The following FHDC1 variants were observed in gnomAD, a reference collection of about 807,000 sequenced individuals.
FHDC1 encodes the protein FH2 domain-containing protein 1.
Under a neutral mutation model 52.6 loss-of-function variants are expected in FHDC1, and 25 were observed. The observed-to-expected ratio is 0.48, with a 90% CI of 0.35 to 0.66. FHDC1 has a LOEUF of 0.66. Among genes scored for constraint, FHDC1 ranks in the 30% least tolerant of loss-of-function variants. The pLI, the probability that FHDC1 is intolerant of heterozygous loss-of-function variation, is 0.01. For synonymous variants in FHDC1, 616 were observed against 581.5 expected, an observed-to-expected ratio of 1.06 and a Z score of -0.85; for missense variants, 1,459 against 1,452.8, an observed-to-expected ratio of 1.00 and a Z score of -0.07.
At chr4:152,968,550 A>C (rs1038070697) in intron 10 of FHDC1, among the ~76,000 whole-genome samples, 2 of 152,190 alleles carry the variant, frequency 1.3e-5, no homozygotes, top group African/African-American at 4.8e-5. Flanking sequence ...GCTGCTCTCA[A>C]ACTCCCGACC....
At chr4:152,925,585 C>A in the FHDC1 span, among the ~76,000 whole-genome samples, 1 of 152,034 alleles carries the variant, frequency 6.6e-6, no homozygotes, top group Non-Finnish European at 1.5e-5. Flanking sequence ...TATAAGAAGA[C>A]CAATTTTATT....
chr4:152,967,443 C>T (rs1740499273), intron 9 of FHDC1, among the ~76,000 whole-genome samples: 1 of 151,948 alleles, frequency 6.6e-6, no homozygotes, highest in Non-Finnish European at 1.5e-5. Flanking sequence ...AAAAAAGTTG[C>T]ACATTTGTTA....
chr4:152,945,076 G>A (rs759414253), intron 2 of FHDC1, among the ~76,000 whole-genome samples: 2 of 152,194 alleles, frequency 1.3e-5, no homozygotes, highest in African/African-American at 2.4e-5. Flanking sequence ...ACCGTGTCCC[G>A]GGGAGGCAGC....
At chr4:152,935,013 C>T (rs928963283), upstream of FHDC1, among the ~76,000 whole-genome samples, 3 of 152,158 alleles carry the variant, frequency 2.0e-5, no homozygotes, top group African/African-American at 7.2e-5. Flanking sequence ...CATATTAGCT[C>T]CCTGAGCATG....
At chr4:152,923,166 A>G in the FHDC1 span, among the ~76,000 whole-genome samples, 1 of 152,136 alleles carries the variant, frequency 6.6e-6, no homozygotes, top group Non-Finnish European at 1.5e-5. Flanking sequence ...AAAGTCTCAG[A>G]ATACAAAATC....
At chr4:152,961,230 C>T (rs969818899) in intron 6 of FHDC1, among the ~76,000 whole-genome samples, 4 of 34,578 alleles carry the variant, frequency 1.2e-4, no homozygotes, top group Non-Finnish European at 2.6e-4. Flanking sequence ...TGCCTCTCTC[C>T]TCCCTGTCGT....
At chr4:152,935,706 C>T (rs563763504), upstream of FHDC1, among the ~76,000 whole-genome samples, 68 of 152,286 alleles carry the variant, frequency 4.5e-4, no homozygotes, top group Middle Eastern at 6.8e-3. Flanking sequence ...GAAGCTCTAG[C>T]GCAGCCAGGT....
chr4:152,925,715 T>A, the FHDC1 span, among the ~76,000 whole-genome samples: 2 of 144,536 alleles, frequency 1.4e-5, no homozygotes, highest in African/African-American at 2.5e-5. Context: ...GCATCCTCCT[T>A]TTTTTTTTTT....
chr4:152,976,665 G>T lies in FHDC1; in HGVS notation c.3374G>T (p.Arg1125Leu), dbSNP rs185889152. ...GGGGCTGGGGAAAGGGCCTCCCTCC[G>T]TCGGAAGGACTCCAGTCGGACCACG... is the stretch of plus-strand genomic sequence containing the variant. The part of the protein sequence containing the change: ...ARGAGERASL[R>L]RKDSSRTTLG... Residue 1125 changes from arginine (R) to leucine (L), a missense_variant, in exon 12 of 12, where the codon CGT (arginine) becomes CTT (leucine). Arg to Leu is a moderately radical substitution (Grantham distance 102). This residue lies in a region of FHDC1 where 939 missense variants were observed against 854.5 expected (regional missense o/e 1.10). Coordinates refer to ENST00000511601, the MANE Select transcript of FHDC1 (RefSeq NM_001371116.1). 73 of 1,568,600 alleles carry T rather than the reference G, an allele frequency of 4.7e-5. No individual in the cohort carries two copies. Among genetic ancestry groups the T allele is most frequent in the Non-Finnish European group, 5.4e-5 (62 of 1,158,200 alleles).
At chr4:152,925,713 CTTT>C in the FHDC1 span, among the ~76,000 whole-genome samples, 4 of 143,124 alleles carry the variant, frequency 2.8e-5, no homozygotes, top group Admixed American at 1.4e-4. Context: ...GTGCATCCTC[CTTT>C]TTTTTTTTTT....
chr4:152,928,156 C>A, the FHDC1 span: 1 of 828,836 alleles, frequency 1.2e-6, no homozygotes, highest in Non-Finnish European at 2.2e-6. Flanking sequence ...TCAATGCCAC[C>A]GGAAAGATTG....
At chr4:152,937,525 G>A (rs1404527434) in intron 1 of FHDC1, among the ~76,000 whole-genome samples, 2 of 152,036 alleles carry the variant, frequency 1.3e-5, no homozygotes, top group South Asian at 2.1e-4. Flanking sequence ...GCCGGGAATG[G>A]GCGAGCGGGT....
chr4:152,918,938 C>G, the FHDC1 span, among the ~76,000 whole-genome samples: 130 of 152,386 alleles, frequency 8.5e-4, no homozygotes, highest in East Asian at 4.8e-3. Flanking sequence ...CCACCTGATT[C>G]CACTAACACC....
chr4:152,917,941 A>C, the FHDC1 span, among the ~76,000 whole-genome samples: 2 of 152,264 alleles, frequency 1.3e-5, no homozygotes, highest in Admixed American at 6.5e-5. Context: ...AATTCGTTAG[A>C]AATAGCAAAT....
intron 1 of FHDC1, among the ~76,000 whole-genome samples, chr4:152,937,584 C>T (rs1739428438): frequency 6.6e-6 from 1 of 151,720 alleles, no homozygotes; most frequent in South Asian, 2.1e-4. Context: ...GAGCGGTCGG[C>T]GCTGCGGAAG....
rs796140687 is a variant in FHDC1 at position 152,976,927 on chromosome 4, A to T, written c.*204A>T. On this transcript the variant is annotated 3_prime_UTR_variant, in exon 12 of 12. Coordinates refer to ENST00000511601, the MANE Select transcript of FHDC1 (RefSeq NM_001371116.1). ...TGAGCCCTGCTGCAGTCCAGCGTCC[A>T]GATGGATGCACGTTCACTACTGTGA... 5 of 526,188 alleles carry T rather than the reference A, an allele frequency of 9.5e-6. No individual in the cohort carries two copies. The highest frequency in any genetic ancestry group is 9.4e-5 in the African/African-American group (5 of 53,206). The allele number at this position is 526,188 out of a possible 1,614,324, so 32.6% of individuals were successfully genotyped here. A position where few individuals can be genotyped will look rare whatever the true frequency, so the allele number is the denominator to read the frequency against.
chr4:152,965,091 T>G, intron 9 of FHDC1, 116 bp downstream of exon 9: 2 of 971,834 alleles, frequency 2.1e-6, no homozygotes, highest in South Asian at 3.4e-5. Context: ...CATTGAACTT[T>G]CAGACTGTCC....
chr4:152,965,994 G>C (rs1740445071), intron 9 of FHDC1, among the ~76,000 whole-genome samples: 1 of 152,134 alleles, frequency 6.6e-6, no homozygotes, highest in Admixed American at 6.5e-5. Flanking sequence ...TCAGTTCAGA[G>C]GTGTAAACAG....
At chr4:152,970,449 A>G (rs1446026602) in intron 10 of FHDC1, among the ~76,000 whole-genome samples, 1 of 152,186 alleles carries the variant, frequency 6.6e-6, no homozygotes, top group African/African-American at 2.4e-5. Flanking sequence ...TCCCAAGTCC[A>G]AAGGGTGACT....
Sources: gnomAD v4.1 joint callset for allele counts (sites outside exome capture counted in the v4.1 genomes callset) on GRCh38, gnomAD v4.1.1 for gene constraint, gnomAD v4.1.1 regional missense constraint, MANE v1.5 for transcripts, NCBI Gene and HGNC (gene_info 2026-07-23, HGNC 2026-07-21) for gene names.